SPTBN1: variants seen among roughly 807,000 people sequenced by gnomAD.
The protein encoded by SPTBN1 is spectrin beta chain, non-erythrocytic 1.
SPTBN1 carries 32 observed loss-of-function variants against 266.4 expected under a neutral mutation model. That is an observed-to-expected ratio of 0.12 (90% CI 0.09 to 0.16). The LOEUF (loss-of-function observed/expected upper bound fraction) is 0.16. SPTBN1 is among the 10% of genes least tolerant of loss of function. The probability of loss-of-function intolerance (pLI) is 1.00; values close to 1 mark genes in which losing one functional copy is unlikely to be tolerated. For missense variants in SPTBN1, 2,296 were observed against 3,067.1 expected (o/e 0.75, Z 5.94); for synonymous variants, 1,336 against 1,162.2 (o/e 1.15, Z -3.04).
At chr2:54,606,654 G>C (rs1676861085) in intron 3 of SPTBN1, among the ~76,000 whole-genome samples, 1 of 152,212 alleles carries the variant, frequency 6.6e-6, no homozygotes, top group Non-Finnish European at 1.5e-5. Context: ...TTCAGCATGA[G>C]AAATGATAGC....
Position 54,478,022 on chromosome 2 carries a change from A to T in SPTBN1, c.-48+21504A>T, listed in dbSNP as rs571347295. Among the ~76,000 whole-genome samples, 3 of 152,282 alleles carry T rather than the reference A, an allele frequency of 2.0e-5. No homozygotes were observed. In the East Asian group the frequency reaches 5.8e-4, roughly 29 times the overall value. On this transcript the variant is annotated intron_variant, in intron 1 of 35. Transcript: ENST00000356805. ...GTTCCCAGTCTTATCCTTTTTGTTG[A>T]TACCAGTATTGTGGAAAAAGCATTC...
chr2:54,661,848 AAG>A, intron 32 of SPTBN1: 1 of 985,452 alleles, frequency 1.0e-6, no homozygotes, highest in Non-Finnish European at 1.2e-6. Flanking sequence ...CACACAAGAA[AAG>A]AGTGCTATGA....
chr2:54,572,165 G>A (rs1199540403), intron 2 of SPTBN1, among the ~76,000 whole-genome samples: 2 of 151,946 alleles, frequency 1.3e-5, no homozygotes, highest in Admixed American at 6.6e-5. Context: ...AAGGTACTTA[G>A]GGAGACAGAA....
At chr2:54,596,561 C>G (rs1338496359) in intron 2 of SPTBN1, among the ~76,000 whole-genome samples, 1 of 152,186 alleles carries the variant, frequency 6.6e-6, no homozygotes, top group Admixed American at 6.5e-5. Context: ...ACCTGAGGAA[C>G]TTAGACCCTG....
At chr2:54,526,594 CCCAGGATGCCTAAAA>C (rs1280517619) in intron 2 of SPTBN1, 28 bp downstream of exon 2, 9 of 1,596,504 alleles carry the variant, frequency 5.6e-6, no homozygotes, top group South Asian at 1.1e-5. Flanking sequence ...GTCACAGAGG[CCCAGGATGCCTAAAA>C]TCAGGATGCC....
chr2:54,654,808 C>A (rs1040582112), intron 27 of SPTBN1, among the ~76,000 whole-genome samples: 11 of 152,302 alleles, frequency 7.2e-5, no homozygotes, highest in African/African-American at 2.4e-4. Flanking sequence ...ACCTAGCAAC[C>A]ATTTTGAATT....
At chr2:54,607,704 C>G (rs936220993) in intron 3 of SPTBN1, among the ~76,000 whole-genome samples, 27 of 152,242 alleles carry the variant, frequency 1.8e-4, no homozygotes, top group African/African-American at 5.8e-4. Context: ...ATATAAGCGA[C>G]TTGAGCATTT....
chr2:54,604,748 G>A (rs1676724156), intron 3 of SPTBN1, among the ~76,000 whole-genome samples: 1 of 152,162 alleles, frequency 6.6e-6, no homozygotes, highest in African/African-American at 2.4e-5. Flanking sequence ...AGGACTAGAC[G>A]GGACCTTGGG....
intron 1 of SPTBN1, among the ~76,000 whole-genome samples, chr2:54,481,242 C>G (rs1240199965): frequency 6.6e-6 from 1 of 152,038 alleles, no homozygotes; most frequent in Non-Finnish European, 1.5e-5. Flanking sequence ...TAGAATCTCT[C>G]TTGCTGTTTT....
chr2:54,494,183 A>G (rs984569408), intron 1 of SPTBN1, among the ~76,000 whole-genome samples: 6 of 152,348 alleles, frequency 3.9e-5, no homozygotes, highest in African/African-American at 1.4e-4. Context: ...TAAAATGTGA[A>G]TATTTTAAAA....
intron 2 of SPTBN1, among the ~76,000 whole-genome samples, chr2:54,579,504 CA>C (rs1674726509): frequency 3.3e-5 from 5 of 152,322 alleles, no homozygotes; most frequent in African/African-American, 1.2e-4. Flanking sequence ...GTATTGGTAG[CA>C]TTAGCGCACG....
At chr2:54,641,428 T>C (rs570267084) in intron 18 of SPTBN1, among the ~76,000 whole-genome samples, 1 of 152,294 alleles carries the variant, frequency 6.6e-6, no homozygotes, top group African/African-American at 2.4e-5. Flanking sequence ...TGGGAAAAAT[T>C]TTGTCATTAA....
chr2:54,553,173 T>A (rs1672679110), intron 2 of SPTBN1, among the ~76,000 whole-genome samples: 1 of 152,184 alleles, frequency 6.6e-6, no homozygotes, highest in Admixed American at 6.5e-5. Context: ...TGGGGAAATT[T>A]CCATTGAAAA....
chr2:54,503,366 T>C (rs1163343276), intron 1 of SPTBN1, among the ~76,000 whole-genome samples: 1 of 152,200 alleles, frequency 6.6e-6, no homozygotes, highest in Non-Finnish European at 1.5e-5. Flanking sequence ...GTTAGTGGCT[T>C]TGCAGTCAGA....
intron 2 of SPTBN1, among the ~76,000 whole-genome samples, chr2:54,538,724 T>C (rs1387016876): frequency 6.6e-6 from 1 of 152,178 alleles, no homozygotes; most frequent in Non-Finnish European, 1.5e-5. Context: ...TGTTATTGGG[T>C]GAGGCTGATA....
intron 2 of SPTBN1, among the ~76,000 whole-genome samples, chr2:54,553,875 C>T (rs1422130785): frequency 6.6e-6 from 1 of 152,180 alleles, no homozygotes; most frequent in Non-Finnish European, 1.5e-5. Context: ...ATCTTTCTTT[C>T]CCCTCAAGAC....
chr2:54,480,514 A>G (rs1668041649), intron 1 of SPTBN1, among the ~76,000 whole-genome samples: 1 of 152,212 alleles, frequency 6.6e-6, no homozygotes, highest in Non-Finnish European at 1.5e-5. Flanking sequence ...CTTTAACTTG[A>G]TGTCCAGTAT....
intron 1 of SPTBN1, among the ~76,000 whole-genome samples, chr2:54,456,983 C>T (rs897036555): frequency 2.0e-5 from 3 of 151,502 alleles, no homozygotes; most frequent in Admixed American, 6.6e-5. Context: ...CTCTGTGGCC[C>T]CGCGGGTGGG....
At chr2:54,594,073 C>T (rs897854429) in intron 2 of SPTBN1, among the ~76,000 whole-genome samples, 4 of 151,916 alleles carry the variant, frequency 2.6e-5, no homozygotes, top group Admixed American at 6.6e-5. Context: ...CCTCATGATC[C>T]GCCCACCTCG....
Sources: allele counts gnomAD v4.1 joint callset (sites outside exome capture counted in the v4.1 genomes callset), GRCh38; gene constraint gnomAD v4.1.1; transcripts MANE v1.5; gene names NCBI Gene and HGNC (gene_info 2026-07-23, HGNC 2026-07-21).